PDPN: variants seen among roughly 807,000 people sequenced by gnomAD.
The protein encoded by PDPN is PA2.26 antigen.
Under a neutral mutation model 23.2 loss-of-function variants are expected in PDPN, and 12 were observed. That is an observed-to-expected ratio of 0.52 (90% CI 0.33 to 0.84). PDPN has a LOEUF of 0.84. Among genes scored for constraint, PDPN ranks in the 40% least tolerant of loss-of-function variants. PDPN has a pLI of 0.02. For synonymous variants in PDPN, 77 were observed against 76.7 expected (o/e 1.00, Z -0.02); for missense variants, 199 against 212.2 (o/e 0.94, Z 0.39).
chr1:13,584,683 G>T (rs1241832120), intron 1 of PDPN, among the ~76,000 whole-genome samples: 1 of 152,210 alleles, frequency 6.6e-6, no homozygotes, highest in Admixed American at 6.5e-5. Context: ...TAGTGTGTGT[G>T]GAAAGGATCC....
intron 1 of PDPN, among the ~76,000 whole-genome samples, chr1:13,599,466 A>G (rs758350731): frequency 5.9e-5 from 8 of 136,164 alleles, no homozygotes; most frequent in Non-Finnish European, 1.2e-4. Flanking sequence ...GCTCACTGCA[A>G]CCTCCACCTC....
chr1:13,595,045 C>T (rs1414306083), intron 1 of PDPN, among the ~76,000 whole-genome samples: 9 of 151,378 alleles, frequency 5.9e-5, no homozygotes, highest in South Asian at 2.1e-4. Context: ...ATGCACCTGA[C>T]GCCACAGTTT....
intron 3 of PDPN, among the ~76,000 whole-genome samples, chr1:13,611,028 T>C (rs568254262): frequency 1.3e-5 from 2 of 152,192 alleles, no homozygotes; most frequent in Non-Finnish European, 2.9e-5. Flanking sequence ...AAGACCATCC[T>C]GGCTAACACG....
intron 1 of PDPN, among the ~76,000 whole-genome samples, chr1:13,593,209 A>C (rs1261901821): frequency 6.6e-6 from 1 of 152,238 alleles, no homozygotes; most frequent in Non-Finnish European, 1.5e-5. Flanking sequence ...AAAGCAGATA[A>C]TAAAAGCATA....
At chr1:13,586,763 T>TAAA (rs34131450) in intron 1 of PDPN, among the ~76,000 whole-genome samples, 1,772 of 125,398 alleles carry the variant, frequency 0.014, 43 homozygotes, top group African/African-American at 0.05. Context: ...ACTCTGCCAT[T>TAAA]AAAAAAAAAA....
chr1:13,610,300 C>T, intron 2 of PDPN, 87 bp from the exon 3 acceptor site: 1 of 1,120,318 alleles, frequency 8.9e-7, no homozygotes, highest in South Asian at 1.5e-5. Context: ...ATTTTTATGC[C>T]ACCTTAAATC....
Position 13,596,011 on chromosome 1 carries a change from A to G in PDPN, c.68-11162A>G, listed in dbSNP as rs1267475116. The G allele has an allele frequency of 9.3e-6, 4 of 429,884 alleles. No individual in the cohort carries two copies. The Admixed American group carries it at 1.3e-4, about 14-fold the overall frequency. The allele number at this position is 429,884 out of a possible 1,614,324, so 26.6% of individuals were successfully genotyped here. A position where few individuals can be genotyped will look rare whatever the true frequency, so the allele number is the denominator to read the frequency against. ...TCAGGAGTTTGAGAGCAGCCTGGTC[A>G]ACATGATGAAATCCCGTCTCTACTA... On this transcript the variant is annotated intron_variant, in intron 1 of 5. Transcript: ENST00000621990.
intron 1 of PDPN, chr1:13,595,791 G>A (rs779156631): frequency 1.8e-5 from 19 of 1,037,862 alleles, no homozygotes; most frequent in South Asian, 1.3e-4. Flanking sequence ...TGCAGGTGCC[G>A]TGCTATCTTC....
At chr1:13,605,955 G>A (rs551279642) in intron 1 of PDPN, among the ~76,000 whole-genome samples, 5 of 151,918 alleles carry the variant, frequency 3.3e-5, no homozygotes, top group African/African-American at 1.2e-4. Context: ...CACATCATTT[G>A]TCCAAATGTT....
intron 1 of PDPN, among the ~76,000 whole-genome samples, chr1:13,604,605 AT>A (rs34703290): frequency 0.34 from 51,032 of 149,320 alleles, 8,820 homozygotes; most frequent in Admixed American, 0.43. Context: ...TGAGCACTTG[AT>A]TTTTTTTTTT....
Position 13,595,747 on chromosome 1 carries a change from C to T in PDPN, c.68-11426C>T, listed in dbSNP as rs531827132. 103 of 608,124 alleles carry T rather than the reference C, an allele frequency of 1.7e-4. No homozygotes were observed. The East Asian group carries it at 2.3e-3, about 13-fold the overall frequency. 37.7% of individuals were successfully genotyped at this position (608,124 alleles called of 1,614,324 possible). On this transcript the variant is annotated intron_variant, in intron 1 of 5. Coordinates refer to ENST00000621990, the MANE Select transcript of PDPN (RefSeq NM_006474.5). ...GTGAATGGGCATGGCGCTGCTCACA[C>T]GAAATTGAACGGCAGGGCAGCCAAG...
At chr1:13,614,249 C>G in intron 4 of PDPN, 51 bp from the exon 5 acceptor site, 1 of 887,160 alleles carries the variant, frequency 1.1e-6, no homozygotes. Context: ...ATTTTATCAC[C>G]GATGTATTTT....
chr1:13,592,555 T>TA, intron 1 of PDPN, among the ~76,000 whole-genome samples: 1 of 150,276 alleles, frequency 6.7e-6, no homozygotes, highest in African/African-American at 2.4e-5. Context: ...TTTTTTTTTT[T>TA]TTTTTTTTTT....
At chr1:13,584,210 G>C in intron 1 of PDPN, 110 bp downstream of exon 1, 1 of 1,520,632 alleles carries the variant, frequency 6.6e-7, no homozygotes, top group Non-Finnish European at 8.9e-7. Flanking sequence ...GAGCGCGGGG[G>C]AGCTGAGGGT....
chr1:13,615,402 C>T (rs1436708502), intron 5 of PDPN, among the ~76,000 whole-genome samples: 1 of 151,938 alleles, frequency 6.6e-6, no homozygotes, highest in Non-Finnish European at 1.5e-5. Flanking sequence ...TCCCCTGCCT[C>T]CGCCTCTCAA....
chr1:13,594,980 G>T (rs1197013378), intron 1 of PDPN, among the ~76,000 whole-genome samples: 1 of 148,870 alleles, frequency 6.7e-6, no homozygotes, highest in Non-Finnish European at 1.5e-5. Flanking sequence ...GGGCGACAGA[G>T]CGAGACTCCT....
At chr1:13,605,723 A>G (rs1366300886) in intron 1 of PDPN, among the ~76,000 whole-genome samples, 2 of 152,016 alleles carry the variant, frequency 1.3e-5, no homozygotes, top group Non-Finnish European at 2.9e-5. Flanking sequence ...CCCATGTTCA[A>G]GCGATTCTCC....
At chr1:13,596,526 C>T (rs1017409271) in intron 1 of PDPN, among the ~76,000 whole-genome samples, 6 of 152,202 alleles carry the variant, frequency 3.9e-5, no homozygotes, top group Non-Finnish European at 7.3e-5. Context: ...GTGATTATGT[C>T]GATCACGACC....
In PDPN at chr1:13,617,502, A is replaced by C. The variant is rs1177942689; in HGVS notation, c.*1591A>C. ...ATTCTCCTGCCTCAGCCTCCTGAGT[A>C]GCTGGGACTACAGGTTCCTACCACC... On this transcript the variant is annotated 3_prime_UTR_variant, in exon 6 of 6. Coordinates refer to ENST00000621990, the MANE Select transcript of PDPN (RefSeq NM_006474.5). The C allele has an allele frequency of 1.3e-5, 2 of 152,182 alleles. No homozygotes were observed. The highest frequency in any genetic ancestry group is 1.3e-4 in the Admixed American group (2 of 15,278). The allele number at this position is 152,182 out of a possible 1,614,324, so 9.4% of individuals were successfully genotyped here. A position where few individuals can be genotyped will look rare whatever the true frequency, so the allele number is the denominator to read the frequency against.
Sources: allele counts gnomAD v4.1 joint callset (sites outside exome capture counted in the v4.1 genomes callset), GRCh38; gene constraint gnomAD v4.1.1; transcripts MANE v1.5; gene names NCBI Gene and HGNC (gene_info 2026-07-23, HGNC 2026-07-21).